FAM168A: variants seen among roughly 807,000 people sequenced by gnomAD.
FAM168A encodes the protein protein FAM168A.
FAM168A carries 3 observed loss-of-function variants against 28.5 expected under a neutral mutation model. The ratio of observed to expected loss-of-function variants is 0.11; its 90% CI spans 0.05 to 0.27. The LOEUF is 0.27. Ranked by LOEUF, FAM168A falls within the 10% of genes least tolerant of loss-of-function variation. The probability of loss-of-function intolerance (pLI) is 1.00; values close to 1 mark genes in which losing one functional copy is unlikely to be tolerated. For synonymous variants in FAM168A, 122 were observed against 124.2 expected (o/e 0.98, Z 0.12); for missense variants, 222 against 311.5 (o/e 0.71, Z 2.16).
intron 1 of FAM168A, among the ~76,000 whole-genome samples, chr11:73,534,478 C>G (rs534520743): frequency 1.3e-5 from 2 of 151,878 alleles, no homozygotes; most frequent in South Asian, 4.2e-4. Context: ...TCGCAGTTCA[C>G]TGCAACCTCC....
rs1174145800 is a variant in FAM168A at position 73,598,032 on chromosome 11, G to A, written c.-128C>T. The A allele has an allele frequency of 1.3e-5, 2 of 152,614 alleles. No homozygotes were observed. Among genetic ancestry groups the A allele is most frequent in the Non-Finnish European group, 2.9e-5 (2 of 68,256 alleles). 9.5% of individuals were successfully genotyped at this position (152,614 alleles called of 1,614,324 possible). ...GCTCTCGCCCGTGTCCAGTAGGGTG[G>A]CGGATGGCGCGCGGGGACCGGAGCC... On this transcript the variant is annotated 5_prime_UTR_variant, in exon 1 of 8. Transcript: ENST00000356467.
intron 3 of FAM168A, among the ~76,000 whole-genome samples, chr11:73,423,176 CT>C (rs1197281888): frequency 6.6e-6 from 1 of 152,152 alleles, no homozygotes; most frequent in East Asian, 1.9e-4. Flanking sequence ...GTTTCTAGTT[CT>C]GGTTTCTGTC....
At chr11:73,451,477 G>C (rs188539458) in intron 2 of FAM168A, among the ~76,000 whole-genome samples, 1 of 152,246 alleles carries the variant, frequency 6.6e-6, no homozygotes, top group East Asian at 1.9e-4. Context: ...TTAGCACTGA[G>C]AACACAATGA....
At chr11:73,518,305 G>A (rs537162250) in intron 1 of FAM168A, among the ~76,000 whole-genome samples, 4 of 151,992 alleles carry the variant, frequency 2.6e-5, no homozygotes, top group African/African-American at 9.7e-5. Context: ...CTATAGTTTG[G>A]AAATCTGACC....
intron 1 of FAM168A, among the ~76,000 whole-genome samples, chr11:73,508,904 T>C (rs1252300048): frequency 6.6e-6 from 1 of 152,228 alleles, no homozygotes; most frequent in Non-Finnish European, 1.5e-5. Flanking sequence ...TCACTGATCA[T>C]TATGTTTTAT....
At chr11:73,443,851 T>C (rs1867249930) in intron 2 of FAM168A, among the ~76,000 whole-genome samples, 4 of 152,338 alleles carry the variant, frequency 2.6e-5, no homozygotes, top group South Asian at 4.1e-4. Context: ...TTAGCACCAG[T>C]GTCCTTTTTT....
intron 1 of FAM168A, among the ~76,000 whole-genome samples, chr11:73,514,367 G>A (rs753072238): frequency 2.6e-5 from 4 of 152,190 alleles, no homozygotes; most frequent in Admixed American, 6.5e-5. Flanking sequence ...TCTGGTGCTT[G>A]ATTGAGAAAT....
chr11:73,568,906 CA>C (rs748588276), intron 1 of FAM168A, among the ~76,000 whole-genome samples: 12 of 152,082 alleles, frequency 7.9e-5, no homozygotes, highest in Non-Finnish European at 1.3e-4. Context: ...AAAACAAAAA[CA>C]AAACTGAAAA....
chr11:73,597,668 TC>T (rs1412404973), intron 1 of FAM168A, among the ~76,000 whole-genome samples: 2 of 147,284 alleles, frequency 1.4e-5, no homozygotes, highest in African/African-American at 5.0e-5. Context: ...CACTCTCCTG[TC>T]CCAGGTTGGG....
chr11:73,474,384 T>A (rs1297424759), intron 1 of FAM168A, among the ~76,000 whole-genome samples: 2 of 152,036 alleles, frequency 1.3e-5, no homozygotes, highest in Non-Finnish European at 2.9e-5. Flanking sequence ...TGGACTGCAA[T>A]GTCTATTCAC....
At chr11:73,557,177 T>C (rs1193470908) in intron 1 of FAM168A, among the ~76,000 whole-genome samples, 2 of 152,158 alleles carry the variant, frequency 1.3e-5, no homozygotes, top group African/African-American at 4.8e-5. Flanking sequence ...AGGAAGGAAA[T>C]TCTGACACGT....
intron 1 of FAM168A, among the ~76,000 whole-genome samples, chr11:73,534,106 C>T (rs1943547564): frequency 6.6e-6 from 1 of 152,198 alleles, no homozygotes; most frequent in Non-Finnish European, 1.5e-5. Context: ...ATACAGACAT[C>T]TTCATAGAGT....
chr11:73,593,992 G>A (rs148846080), intron 1 of FAM168A, among the ~76,000 whole-genome samples: 24 of 152,134 alleles, frequency 1.6e-4, no homozygotes, highest in African/African-American at 5.5e-4. Flanking sequence ...TATTTCCCCT[G>A]GCACTTAGCA....
chr11:73,519,002 A>G (rs1943339449), intron 1 of FAM168A, among the ~76,000 whole-genome samples: 1 of 152,200 alleles, frequency 6.6e-6, no homozygotes, highest in Non-Finnish European at 1.5e-5. Context: ...CACCAGAAGC[A>G]GATGCTGATG....
chr11:73,547,846 T>C (rs371928421), intron 1 of FAM168A, among the ~76,000 whole-genome samples: 489 of 143,482 alleles, frequency 3.4e-3, no homozygotes, highest in Middle Eastern at 0.024. Context: ...ATTGAATGAA[T>C]GGGGAAAAAA....
chr11:73,437,040 C>T (rs1049672734), intron 2 of FAM168A, among the ~76,000 whole-genome samples: 4 of 151,580 alleles, frequency 2.6e-5, no homozygotes, highest in African/African-American at 9.7e-5. Context: ...ACTTGTCACT[C>T]AGCACAGGAA....
intron 2 of FAM168A, among the ~76,000 whole-genome samples, chr11:73,455,806 G>T (rs796681907): frequency 6.6e-6 from 1 of 152,168 alleles, no homozygotes; most frequent in African/African-American, 2.4e-5. Flanking sequence ...TATAAAATAG[G>T]CAGGAGCAGA....
At position 73,524,324 on chromosome 11, in the gene FAM168A, A is replaced by G. The variant is rs1373900706; in HGVS notation, c.-18-55832T>C. On this transcript the variant is annotated intron_variant, in intron 1 of 7. Transcript: ENST00000356467. ...TGTGTACTTAAGTCCTGGGAAAAGT[A>G]TAATTTCTTTGATGATTTCTTTCAC... is the stretch of plus-strand genomic sequence containing the variant. Among the ~76,000 whole-genome samples the G allele has an allele frequency of 2.6e-5, 4 of 152,062 alleles. 1 individual carries two copies. Among genetic ancestry groups the G allele is most frequent in the African/African-American group, 9.7e-5 (4 of 41,418 alleles).
At chr11:73,596,682 T>A (rs541482445) in intron 1 of FAM168A, among the ~76,000 whole-genome samples, 76 of 152,154 alleles carry the variant, frequency 5.0e-4, no homozygotes, top group Non-Finnish European at 9.1e-4. Context: ...CCCTCATGTG[T>A]CTCTTGGAGG....
Sources: gnomAD v4.1 joint callset for allele counts (sites outside exome capture counted in the v4.1 genomes callset) on GRCh38, gnomAD v4.1.1 for gene constraint, MANE v1.5 for transcripts, NCBI Gene and HGNC (gene_info 2026-07-23, HGNC 2026-07-21) for gene names.